ALDH1L2: variants seen among roughly 807,000 people sequenced by gnomAD.
ALDH1L2 encodes the protein mitochondrial 10-formyltetrahydrofolate dehydrogenase.
Under a neutral mutation model 111.0 loss-of-function variants are expected in ALDH1L2, and 91 were observed. That is an observed-to-expected ratio of 0.82 (90% CI 0.69 to 0.98). The LOEUF is 0.98. Among genes scored for constraint, ALDH1L2 ranks in the 50% least tolerant of loss-of-function variants. The pLI is 0.00. For synonymous variants in ALDH1L2, 374 were observed against 392.6 expected (o/e 0.95, Z 0.56); for missense variants, 995 against 1,126.8 (o/e 0.88, Z 1.67).
In ALDH1L2 at chr12:105,026,795, C is replaced by A. The variant is rs750745219; in HGVS notation, c.2517-51G>T. 1.4e-5 allele frequency: 23 copies of A among 1,590,728 alleles called. No homozygotes were observed. The South Asian group carries it at 2.6e-4, about 18-fold the overall frequency. On this transcript the variant is annotated intron_variant, in intron 21 of 22. Transcript: ENST00000258494. ...TTCATTAAATGTAAAGCAAAAGACT[C>A]ATTTTATGTTCTGAAAATTTTCCCA...
chr12:105,050,657 C>T, intron 12 of ALDH1L2: 1 of 454,042 alleles, frequency 2.2e-6, no homozygotes, highest in Non-Finnish European at 4.4e-6. Flanking sequence ...CTTGAAATCC[C>T]CCTCCGACAA....
chr12:105,048,046 T>A (rs1471856903), intron 13 of ALDH1L2: 2 of 152,232 alleles, frequency 1.3e-5, no homozygotes, highest in Non-Finnish European at 2.9e-5. Context: ...TTGGGTTTCA[T>A]AATTGGGGAT....
At chr12:105,078,640 C>T (rs1183967363) in intron 1 of ALDH1L2, among the ~76,000 whole-genome samples, 5 of 152,104 alleles carry the variant, frequency 3.3e-5, no homozygotes, top group East Asian at 1.9e-4. Flanking sequence ...TTTCTCTTTG[C>T]GACCCTTACA....
In ALDH1L2 at chr12:105,039,752, A is replaced by G. The variant is rs1397462477; in HGVS notation, c.2006T>C (p.Phe669Ser). The stretch of plus-strand genomic sequence containing the variant: ...TTTGCCAATAGGAGTGGATCCAGTG[A>G]AACCAAGTTTGCGGATGTCAGGATG... ...SEHPDIRKLG[F>S]TGSTPIGKQI... Residue 669 changes from phenylalanine to serine, a missense_variant, in exon 17 of 23, where the codon TTC becomes TCC. Transcript: ENST00000258494. 6 of 1,613,998 alleles carry G rather than the reference A, an allele frequency of 3.7e-6. No homozygotes were observed. The highest frequency in any genetic ancestry group is 4.2e-6 in the Non-Finnish European group (5 of 1,180,000).
Position 105,052,115 on chromosome 12 carries a change from T to C in ALDH1L2, c.1510A>G (p.Arg504Gly). 1 of 1,609,338 alleles carries C rather than the reference T, an allele frequency of 6.2e-7. No homozygotes were observed. Among genetic ancestry groups the C allele is most frequent in the Non-Finnish European group, 8.5e-7 (1 of 1,177,912 alleles). Residue 504 changes from arginine to glycine, a missense_variant, in exon 12 of 23, where the codon AGA (arginine) becomes GGA (glycine). Transcript: ENST00000258494. ...ENGEWGRMNA[R>G]ERGRLMYRLA... is the part of the protein sequence containing the mutation. ...CTATACATCAATCTTCCTCTTTCTC[T>C]TGCATTCATTCTTCCCCATTCACCG...
At chr12:105,045,186 C>T (rs765959836) in intron 15 of ALDH1L2, among the ~76,000 whole-genome samples, 10 of 152,084 alleles carry the variant, frequency 6.6e-5, no homozygotes, top group Non-Finnish European at 1.0e-4. Flanking sequence ...TGGGTTCAAA[C>T]GATTCTCCTG....
chr12:105,043,678 TAAATA>T (rs1875674202), intron 15 of ALDH1L2, among the ~76,000 whole-genome samples: 1 of 152,248 alleles, frequency 6.6e-6, no homozygotes, highest in African/African-American at 2.4e-5. Flanking sequence ...ATGTGATTTA[TAAATA>T]AAATAAATGG....
At chr12:105,045,903 A>G (rs540778154) in intron 15 of ALDH1L2, among the ~76,000 whole-genome samples, 1 of 152,150 alleles carries the variant, frequency 6.6e-6, no homozygotes, top group Non-Finnish European at 1.5e-5. Flanking sequence ...TTACCTGCAG[A>G]TAACAGAAAC....
intron 12 of ALDH1L2, 58 bp downstream of exon 12, chr12:105,052,032 C>T: frequency 2.1e-6 from 3 of 1,405,138 alleles, no homozygotes; most frequent in Non-Finnish European, 2.8e-6. Flanking sequence ...ACGTAGTGAA[C>T]CCCTGTCTCT....
intron 20 of ALDH1L2, 91 bp downstream of exon 20, chr12:105,031,678 A>G: frequency 6.6e-7 from 1 of 1,506,552 alleles, no homozygotes; most frequent in South Asian, 1.3e-5. Context: ...ATGAAGTTTC[A>G]CCATGTTGGC....
intron 12 of ALDH1L2, chr12:105,050,576 C>T (rs1159899727): frequency 5.2e-6 from 2 of 387,090 alleles, no homozygotes; most frequent in African/African-American, 4.2e-5. Context: ...TGTTCAACTT[C>T]TCTATTTATT....
At chr12:105,068,647 T>C in intron 4 of ALDH1L2, 72 bp downstream of exon 4, 1 of 1,291,394 alleles carries the variant, frequency 7.7e-7, no homozygotes, top group East Asian at 2.9e-5. Flanking sequence ...TATGGATAAT[T>C]TCTTCATAAA....
At chr12:105,065,232 G>T in intron 6 of ALDH1L2, 35 bp downstream of exon 6, 2 of 1,220,152 alleles carry the variant, frequency 1.6e-6, no homozygotes, top group Non-Finnish European at 2.2e-6. Flanking sequence ...TAATAATCGG[G>T]GAGGGGGGTG....
chr12:105,047,752 G>A (rs1220513810), intron 13 of ALDH1L2: 1 of 152,164 alleles, frequency 6.6e-6, no homozygotes, highest in African/African-American at 2.4e-5. Context: ...CTAATAGGGT[G>A]TACAATTTCT....
At position 105,070,403 on chromosome 12, in the gene ALDH1L2, C is replaced by T. The variant is rs1286204124; in HGVS notation, c.428+167G>A. The T allele has an allele frequency of 1.1e-5, 7 of 619,254 alleles. No individual in the cohort carries two copies. The African/African-American group carries it at 1.3e-4, about 11-fold the overall frequency. The allele number at this position is 619,254 out of a possible 1,614,324, so 38.4% of individuals were successfully genotyped here. A position where few individuals can be genotyped will look rare whatever the true frequency, so the allele number is the denominator to read the frequency against. Reference sequence around the variant, plus strand: ...TAGGCAATTGAAATACACTCACCCTCTGTGTAATTAAAAAAGTCTCACTGG... The same window carrying T: ...TAGGCAATTGAAATACACTCACCCTTTGTGTAATTAAAAAAGTCTCACTGG... On this transcript the variant is annotated intron_variant, in intron 3 of 22. Coordinates refer to ENST00000258494, the MANE Select transcript of ALDH1L2 (RefSeq NM_001034173.4).
intron 7 of ALDH1L2, among the ~76,000 whole-genome samples, chr12:105,062,433 C>T (rs921086461): frequency 2.0e-5 from 3 of 152,228 alleles, no homozygotes; most frequent in Non-Finnish European, 4.4e-5. Flanking sequence ...TTCGCAAGGG[C>T]ACACTGAGGC....
At chr12:105,052,480 GC>G (rs2136077786) in intron 11 of ALDH1L2, among the ~76,000 whole-genome samples, 1 of 152,274 alleles carries the variant, frequency 6.6e-6, no homozygotes, top group African/African-American at 2.4e-5. Flanking sequence ...TTCTTCCAGT[GC>G]TTTAGGAAAG....
chr12:105,036,514 T>TTATATATA (rs1182802302), intron 18 of ALDH1L2, among the ~76,000 whole-genome samples: 4 of 23,662 alleles, frequency 1.7e-4, no homozygotes, highest in Non-Finnish European at 2.7e-4. Flanking sequence ...TATATATATT[T>TTATATATA]TATATATATA....
At chr12:105,050,874 G>T (rs1876215424) in intron 12 of ALDH1L2, among the ~76,000 whole-genome samples, 1 of 152,124 alleles carries the variant, frequency 6.6e-6, no homozygotes, top group Admixed American at 6.5e-5. Flanking sequence ...ACCTCCCACT[G>T]GGTCCCTCCC....
Sources: gnomAD v4.1 joint callset for allele counts (sites outside exome capture counted in the v4.1 genomes callset) on GRCh38, gnomAD v4.1.1 for gene constraint, MANE v1.5 for transcripts, NCBI Gene and HGNC (gene_info 2026-07-23, HGNC 2026-07-21) for gene names.